Variants in UNC5D observed in about 807,000 individuals in gnomAD.
UNC5D encodes unc-5 netrin receptor D, also known as netrin receptor UNC5D.
In UNC5D, 39 loss-of-function variants were observed where a neutral mutation model predicts 105.4. The observed-to-expected ratio is 0.37, with a 90% CI of 0.29 to 0.48. The LOEUF (loss-of-function observed/expected upper bound fraction) is 0.48. UNC5D is among the 20% of genes least tolerant of loss of function. The pLI, the probability that UNC5D is intolerant of heterozygous loss-of-function variation, is 0.98. For synonymous variants in UNC5D, 452 were observed against 450.4 expected, an observed-to-expected ratio of 1.00 and a Z score of -0.04; for missense variants, 991 against 1,202.4, an observed-to-expected ratio of 0.82 and a Z score of 2.60.
At chr8:35,742,675 TAAAG>T (rs1205887045) in intron 11 of UNC5D, among the ~76,000 whole-genome samples, 3 of 152,174 alleles carry the variant, frequency 2.0e-5, no homozygotes, top group Non-Finnish European at 4.4e-5. Flanking sequence ...TCACTTTCCT[TAAAG>T]AAAGCGAAGT....
chr8:35,488,503 G>A (rs907661434), intron 1 of UNC5D, among the ~76,000 whole-genome samples: 5 of 152,196 alleles, frequency 3.3e-5, no homozygotes, highest in African/African-American at 7.2e-5. Context: ...AGTCCGGGTT[G>A]CCTCTGAGGG....
intron 1 of UNC5D, among the ~76,000 whole-genome samples, chr8:35,368,453 C>A (rs910730532): frequency 1.3e-5 from 2 of 152,142 alleles, no homozygotes; most frequent in East Asian, 3.9e-4. Context: ...GCCTATATTA[C>A]CTGCTAAAAG....
intron 16 of UNC5D, among the ~76,000 whole-genome samples, chr8:35,782,502 ATTTTT>A (rs939339572): frequency 2.2e-5 from 3 of 138,200 alleles, no homozygotes; most frequent in African/African-American, 8.2e-5. Context: ...CTACTCAAAA[ATTTTT>A]TTTTTTTTTT....
chr8:35,686,666 A>T lies in UNC5D; in HGVS notation c.1041A>T (p.Leu347=). 6.2e-7 allele frequency: 1 copy of T among 1,604,892 alleles called. No homozygotes were observed. The highest frequency in any genetic ancestry group is 8.5e-7 in the Non-Finnish European group (1 of 1,177,388). The part of the protein sequence containing the change: ...PRNGGKFCEG[L]SQESENCTDG... ...ATGGGGGCAAATTCTGTGAAGGTCTAAGCCAGGAATCTGAAAACTGCACAG... is the reference window on the plus strand; with the variant it reads ...ATGGGGGCAAATTCTGTGAAGGTCTTAGCCAGGAATCTGAAAACTGCACAG... The change falls in exon 7 of 17, where the codon CTA becomes CTT. Residue 347 remains leucine, a synonymous_variant. Coordinates refer to ENST00000404895, the MANE Select transcript of UNC5D (RefSeq NM_080872.4).
chr8:35,783,673 T>A (rs1802610342), intron 16 of UNC5D, among the ~76,000 whole-genome samples: 1 of 152,144 alleles, frequency 6.6e-6, no homozygotes, highest in Non-Finnish European at 1.5e-5. Flanking sequence ...GATTTAGATG[T>A]GCTAGTCCCT....
At chr8:35,279,717 G>A (rs1449989054) in intron 1 of UNC5D, among the ~76,000 whole-genome samples, 6 of 152,280 alleles carry the variant, frequency 3.9e-5, no homozygotes, top group South Asian at 2.1e-4. Flanking sequence ...GAACAGATAG[G>A]CAATGAACTT....
At chr8:35,754,578 G>A (rs754096009) in intron 13 of UNC5D, among the ~76,000 whole-genome samples, 6 of 152,290 alleles carry the variant, frequency 3.9e-5, no homozygotes, top group East Asian at 1.9e-4. Context: ...AAGAAGGAAC[G>A]TGTAGAGACT....
intron 1 of UNC5D, chr8:35,254,717 T>G (rs187614368): frequency 6.6e-6 from 1 of 152,350 alleles, no homozygotes; most frequent in East Asian, 1.9e-4. Flanking sequence ...TTTTGAATGC[T>G]ATGTTTCCAT....
At chr8:35,573,095 G>A (rs1340535685) in intron 3 of UNC5D, among the ~76,000 whole-genome samples, 7 of 152,238 alleles carry the variant, frequency 4.6e-5, no homozygotes, top group Non-Finnish European at 7.4e-5. Context: ...GAGCCACCGC[G>A]CCTAGCGCAA....
At chr8:35,547,095 T>C (rs1044329844) in intron 1 of UNC5D, among the ~76,000 whole-genome samples, 2 of 152,174 alleles carry the variant, frequency 1.3e-5, no homozygotes, top group Non-Finnish European at 2.9e-5. Flanking sequence ...TTTGGAAGAA[T>C]CAAGTTACAT....
intron 15 of UNC5D, among the ~76,000 whole-genome samples, chr8:35,770,933 G>A (rs1023286166): frequency 6.6e-6 from 1 of 152,112 alleles, no homozygotes; most frequent in Non-Finnish European, 1.5e-5. Context: ...AGAGCATGAA[G>A]ATCTACTGTT....
At chr8:35,372,501 C>T (rs1802479663) in intron 1 of UNC5D, among the ~76,000 whole-genome samples, 1 of 152,136 alleles carries the variant, frequency 6.6e-6, no homozygotes, top group Admixed American at 6.5e-5. Context: ...AGCAGCTGGG[C>T]TTATCCTACA....
At chr8:35,459,672 G>A (rs1252998823) in intron 1 of UNC5D, among the ~76,000 whole-genome samples, 2 of 152,158 alleles carry the variant, frequency 1.3e-5, no homozygotes, top group African/African-American at 4.8e-5. Context: ...CATCAGATTA[G>A]GTGAAGGAAA....
At chr8:35,421,172 T>C (rs1378756156) in intron 1 of UNC5D, among the ~76,000 whole-genome samples, 1 of 152,108 alleles carries the variant, frequency 6.6e-6, no homozygotes, top group Non-Finnish European at 1.5e-5. Flanking sequence ...GCCTCAGTGG[T>C]TTATTATCTC....
intron 3 of UNC5D, among the ~76,000 whole-genome samples, chr8:35,578,017 G>T (rs1818205937): frequency 6.6e-6 from 1 of 151,940 alleles, no homozygotes; most frequent in South Asian, 2.1e-4. Flanking sequence ...TTGAGGTCAG[G>T]AGTTGGAGAC....
intron 11 of UNC5D, among the ~76,000 whole-genome samples, chr8:35,744,672 T>G (rs1212120098): frequency 6.6e-6 from 1 of 152,194 alleles, no homozygotes; most frequent in Non-Finnish European, 1.5e-5. Context: ...GGCTTCTGTG[T>G]CCTTTACAAC....
At chr8:35,639,106 A>C (rs1036386792) in intron 4 of UNC5D, among the ~76,000 whole-genome samples, 1 of 152,188 alleles carries the variant, frequency 6.6e-6, no homozygotes, top group Non-Finnish European at 1.5e-5. Context: ...TATTGTTCGG[A>C]TATGATTGGA....
At chr8:35,351,213 A>G (rs115858236) in intron 1 of UNC5D, among the ~76,000 whole-genome samples, 2,331 of 151,910 alleles carry the variant, frequency 0.015, 67 homozygotes, top group African/African-American at 0.055. Flanking sequence ...CAGCCTTGAG[A>G]CTCACTTTTT....
At chr8:35,554,004 C>T (rs1373734986) in intron 2 of UNC5D, among the ~76,000 whole-genome samples, 4 of 152,188 alleles carry the variant, frequency 2.6e-5, no homozygotes, top group Non-Finnish European at 4.4e-5. Context: ...CTTTGGACAA[C>T]ATATTCTCCA....
Sources: gnomAD v4.1 joint callset for allele counts (sites outside exome capture counted in the v4.1 genomes callset) on GRCh38, gnomAD v4.1.1 for gene constraint, MANE v1.5 for transcripts, NCBI Gene and HGNC (gene_info 2026-07-23, HGNC 2026-07-21) for gene names.